ADK: variants seen among roughly 807,000 people sequenced by gnomAD.
The protein encoded by ADK is adenosine kinase.
In ADK, 24 loss-of-function variants were observed where a neutral mutation model predicts 44.7. That is an observed-to-expected ratio of 0.54 (90% CI 0.39 to 0.76). The LOEUF is 0.76. Ranked by LOEUF, ADK falls within the 30% of genes least tolerant of loss-of-function variation. The pLI, the probability that ADK is intolerant of heterozygous loss-of-function variation, is 0.00. For synonymous variants in ADK, 128 were observed against 142.6 expected (o/e 0.90, Z 0.73); for missense variants, 321 against 425.1 (o/e 0.76, Z 2.15).
In ADK at chr10:74,359,529, G is replaced by T. The variant is rs546402452; in HGVS notation, c.274-34612G>T. ...TCAAGACCAGCCTAGGCAACATGGCGTGACCGTCCCTACAAAAAAATATTT... is the reference window on the plus strand; with the variant it reads ...TCAAGACCAGCCTAGGCAACATGGCTTGACCGTCCCTACAAAAAAATATTT... On this transcript the variant is annotated intron_variant, in intron 4 of 10. Coordinates refer to ENST00000539909, the MANE Select transcript of ADK (RefSeq NM_006721.4). Among the ~76,000 whole-genome samples the T allele has an allele frequency of 9.2e-5, 14 of 152,128 alleles. No homozygotes were observed. In the East Asian group the frequency reaches 9.7e-4, roughly 11 times the overall value.
chr10:74,205,327 A>G (rs1843553063), intron 2 of ADK, among the ~76,000 whole-genome samples: 2 of 152,184 alleles, frequency 1.3e-5, no homozygotes, highest in South Asian at 4.1e-4. Context: ...TCTGTGTATC[A>G]TTTATTGCAG....
chr10:74,387,740 C>T (rs966357291), intron 4 of ADK, among the ~76,000 whole-genome samples: 1 of 152,060 alleles, frequency 6.6e-6, no homozygotes, highest in East Asian at 1.9e-4. Context: ...TTTGAAGTTA[C>T]CAATAGTGGC....
At chr10:74,448,964 G>A (rs1292941085) in intron 6 of ADK, among the ~76,000 whole-genome samples, 1 of 152,034 alleles carries the variant, frequency 6.6e-6, no homozygotes, top group Non-Finnish European at 1.5e-5. Context: ...TTGAAATAAT[G>A]AGATTGTATT....
intron 1 of ADK, among the ~76,000 whole-genome samples, chr10:74,187,074 A>G (rs1056999924): frequency 6.6e-6 from 1 of 151,924 alleles, no homozygotes; most frequent in African/African-American, 2.4e-5. Context: ...TTTTTTTATG[A>G]GAGTTCAGTT....
At chr10:74,594,019 A>C (rs548799241) in intron 8 of ADK, among the ~76,000 whole-genome samples, 4 of 152,318 alleles carry the variant, frequency 2.6e-5, no homozygotes, top group African/African-American at 9.6e-5. Flanking sequence ...TTAGGAATCC[A>C]GTTCATGTTC....
At chr10:74,656,339 A>T (rs901545024) in intron 9 of ADK, among the ~76,000 whole-genome samples, 3 of 152,206 alleles carry the variant, frequency 2.0e-5, no homozygotes, top group African/African-American at 7.2e-5. Flanking sequence ...AAGATGGTAC[A>T]TCCTTGCTGC....
chr10:74,555,002 ATAATT>A (rs1214204085), intron 7 of ADK, among the ~76,000 whole-genome samples: 1 of 152,076 alleles, frequency 6.6e-6, no homozygotes, highest in African/African-American at 2.4e-5. Flanking sequence ...CTTTTAAAAA[ATAATT>A]TATGTTAGGC....
At chr10:74,299,089 G>A (rs1333726526) in intron 3 of ADK, among the ~76,000 whole-genome samples, 1 of 152,198 alleles carries the variant, frequency 6.6e-6, no homozygotes, top group African/African-American at 2.4e-5. Context: ...TTCATGAAAA[G>A]TCGATGAAAC....
At chr10:74,479,545 G>C (rs890761080) in intron 6 of ADK, among the ~76,000 whole-genome samples, 1 of 151,622 alleles carries the variant, frequency 6.6e-6, no homozygotes, top group Non-Finnish European at 1.5e-5. Context: ...ATAAGCTGCT[G>C]ATATATTTGG....
At chr10:74,520,471 C>G (rs969795025) in intron 6 of ADK, among the ~76,000 whole-genome samples, 5 of 151,700 alleles carry the variant, frequency 3.3e-5, no homozygotes, top group Non-Finnish European at 5.9e-5. Context: ...CACACATACA[C>G]ATACACATAC....
At chr10:74,577,040 G>A (rs1467580222) in intron 7 of ADK, among the ~76,000 whole-genome samples, 1 of 150,964 alleles carries the variant, frequency 6.6e-6, no homozygotes, top group Non-Finnish European at 1.5e-5. Flanking sequence ...TATAGCAGTG[G>A]TACCTACTTT....
chr10:74,637,670 T>C (rs1420535482), intron 9 of ADK, among the ~76,000 whole-genome samples: 3 of 152,140 alleles, frequency 2.0e-5, no homozygotes, highest in Admixed American at 6.5e-5. Context: ...ACCTCTGTTG[T>C]TCAAATTAGA....
intron 1 of ADK, among the ~76,000 whole-genome samples, chr10:74,189,546 T>C (rs1036021888): frequency 4.6e-5 from 7 of 152,242 alleles, no homozygotes; most frequent in African/African-American, 1.2e-4. Flanking sequence ...TGTTCTATAA[T>C]TTATCAATTA....
At chr10:74,566,150 C>T (rs889283181) in intron 7 of ADK, among the ~76,000 whole-genome samples, 23 of 145,806 alleles carry the variant, frequency 1.6e-4, no homozygotes, top group African/African-American at 5.3e-4. Context: ...TTTCTATGTT[C>T]TTTCTCTCCT....
intron 4 of ADK, among the ~76,000 whole-genome samples, chr10:74,327,275 T>C (rs904526541): frequency 6.6e-6 from 1 of 152,196 alleles, no homozygotes; most frequent in Non-Finnish European, 1.5e-5. Context: ...TCATTGACCA[T>C]GTTGTTTAAT....
chr10:74,209,663 T>C (rs1307997925), intron 2 of ADK, among the ~76,000 whole-genome samples: 1 of 151,906 alleles, frequency 6.6e-6, no homozygotes, highest in African/African-American at 2.4e-5. Flanking sequence ...CAGACTGGAG[T>C]GCAGTAGCAC....
intron 6 of ADK, among the ~76,000 whole-genome samples, chr10:74,501,154 C>T (rs1714720664): frequency 6.6e-6 from 1 of 152,142 alleles, no homozygotes; most frequent in South Asian, 2.1e-4. Flanking sequence ...TGCATTTTTG[C>T]CATTTTTAAC....
intron 4 of ADK, chr10:74,371,469 C>T: frequency 1.5e-6 from 1 of 652,216 alleles, no homozygotes; most frequent in South Asian, 1.8e-5. Flanking sequence ...TTCACACTAC[C>T]CACATAGACG....
chr10:74,362,119 GAA>G (rs1842353629), intron 4 of ADK, among the ~76,000 whole-genome samples: 1 of 152,042 alleles, frequency 6.6e-6, no homozygotes, highest in African/African-American at 2.4e-5. Context: ...TTCAGGTATG[GAA>G]AGTTTTCTGT....
Sources: gnomAD v4.1 joint callset for allele counts (sites outside exome capture counted in the v4.1 genomes callset) on GRCh38, gnomAD v4.1.1 for gene constraint, MANE v1.5 for transcripts, NCBI Gene and HGNC (gene_info 2026-07-23, HGNC 2026-07-21) for gene names.